The following SLC9A9 variants were observed in gnomAD, a reference collection of about 807,000 sequenced individuals.
The protein encoded by SLC9A9 is sodium/hydrogen exchanger 9.
Under a neutral mutation model 77.8 loss-of-function variants are expected in SLC9A9, and 62 were observed. That is an observed-to-expected ratio of 0.80 (90% CI 0.65 to 0.98). SLC9A9 has a LOEUF of 0.98. Ranked by LOEUF, SLC9A9 falls within the 50% of genes least tolerant of loss-of-function variation. The pLI is 0.00. For missense variants in SLC9A9, 775 were observed against 774.9 expected (o/e 1.00, Z 0.00); for synonymous variants, 320 against 283.5 (o/e 1.13, Z -1.29).
At chr3:143,676,840 G>A (rs767525272) in intron 5 of SLC9A9, among the ~76,000 whole-genome samples, 47 of 152,208 alleles carry the variant, frequency 3.1e-4, no homozygotes, top group Non-Finnish European at 5.7e-4. Flanking sequence ...ATTTAAGAAT[G>A]TGAAAGATCC....
chr3:143,305,924 T>C (rs1193634996), intron 14 of SLC9A9, among the ~76,000 whole-genome samples: 4 of 152,212 alleles, frequency 2.6e-5, no homozygotes, highest in Non-Finnish European at 5.9e-5. Flanking sequence ...TCATCAAATT[T>C]GTATTTATTT....
At chr3:143,452,264 C>A (rs2035020632) in intron 12 of SLC9A9, among the ~76,000 whole-genome samples, 1 of 152,054 alleles carries the variant, frequency 6.6e-6, no homozygotes, top group Non-Finnish European at 1.5e-5. Context: ...GTGGAACAAC[C>A]TGACCTCATG....
At chr3:143,387,047 C>T (rs997548789) in intron 12 of SLC9A9, among the ~76,000 whole-genome samples, 3 of 152,078 alleles carry the variant, frequency 2.0e-5, no homozygotes, top group Non-Finnish European at 4.4e-5. Context: ...TGTCATATTG[C>T]CCAGGCTGTT....
chr3:143,586,697 G>A (rs921305945), intron 6 of SLC9A9, among the ~76,000 whole-genome samples: 2 of 152,160 alleles, frequency 1.3e-5, no homozygotes, highest in Non-Finnish European at 2.9e-5. Flanking sequence ...ATCGGAATTC[G>A]TTCTGGCATC....
At chr3:143,276,483 G>C (rs949314339) in intron 14 of SLC9A9, among the ~76,000 whole-genome samples, 1 of 152,208 alleles carries the variant, frequency 6.6e-6, no homozygotes, top group Admixed American at 6.5e-5. Context: ...GGGATTGAAA[G>C]ATTATGCTTG....
intron 13 of SLC9A9, among the ~76,000 whole-genome samples, chr3:143,381,713 C>T (rs1384958047): frequency 6.6e-6 from 1 of 152,196 alleles, no homozygotes; most frequent in African/African-American, 2.4e-5. Flanking sequence ...ATGCATTGGA[C>T]ATACTTTGTG....
At chr3:143,537,636 G>A (rs1263011750) in intron 9 of SLC9A9, among the ~76,000 whole-genome samples, 1 of 152,194 alleles carries the variant, frequency 6.6e-6, no homozygotes, top group Non-Finnish European at 1.5e-5. Flanking sequence ...TTCAGAGATG[G>A]TCCCTTAGAG....
At chr3:143,409,493 G>A (rs1355864402) in intron 12 of SLC9A9, among the ~76,000 whole-genome samples, 2 of 152,178 alleles carry the variant, frequency 1.3e-5, no homozygotes, top group African/African-American at 2.4e-5. Flanking sequence ...AGTATTCAAT[G>A]TTTCCATTTC....
At chr3:143,737,166 T>C (rs1469113868) in intron 4 of SLC9A9, among the ~76,000 whole-genome samples, 2 of 152,200 alleles carry the variant, frequency 1.3e-5, no homozygotes, top group African/African-American at 4.8e-5. Context: ...TCTAGATCTC[T>C]TTCGTCACGA....
At chr3:143,608,098 A>C (rs1481178820) in intron 6 of SLC9A9, among the ~76,000 whole-genome samples, 1 of 152,220 alleles carries the variant, frequency 6.6e-6, no homozygotes, top group East Asian at 1.9e-4. Context: ...AGAATTACCA[A>C]TATGGATAAA....
At chr3:143,839,363 G>A (rs1436109948) in intron 1 of SLC9A9, among the ~76,000 whole-genome samples, 5 of 152,146 alleles carry the variant, frequency 3.3e-5, no homozygotes, top group African/African-American at 1.2e-4. Context: ...ACCTTGTGAT[G>A]CCTTGTTCAA....
At chr3:143,497,713 ACTTT>A (rs2035858923) in intron 9 of SLC9A9, among the ~76,000 whole-genome samples, 2 of 152,222 alleles carry the variant, frequency 1.3e-5, no homozygotes, top group Non-Finnish European at 2.9e-5. Context: ...TCACGAAATC[ACTTT>A]TTGATTTGAA....
intron 14 of SLC9A9, among the ~76,000 whole-genome samples, chr3:143,337,290 G>T (rs989460129): frequency 6.6e-6 from 1 of 151,904 alleles, no homozygotes; most frequent in South Asian, 2.1e-4. Context: ...TTCAGAACTG[G>T]CCACTGTGGA....
chr3:143,689,703 C>G (rs917593589), intron 5 of SLC9A9, among the ~76,000 whole-genome samples: 1 of 152,078 alleles, frequency 6.6e-6, no homozygotes, highest in Admixed American at 6.6e-5. Context: ...GGCCACTGTT[C>G]CCAGCTGAGA....
At chr3:143,655,460 A>C in intron 5 of SLC9A9, 7 of 984,670 alleles carry the variant, frequency 7.1e-6, no homozygotes, top group Non-Finnish European at 8.4e-6. Flanking sequence ...CTTTGATTTT[A>C]TCAGACAATT....
At chr3:143,470,647 A>G (rs1408511429) in intron 11 of SLC9A9, among the ~76,000 whole-genome samples, 1 of 152,198 alleles carries the variant, frequency 6.6e-6, no homozygotes, top group Non-Finnish European at 1.5e-5. Context: ...TGATATAAAT[A>G]TTTGTAGTTT....
chr3:143,737,468 T>C (rs572198791), intron 4 of SLC9A9, among the ~76,000 whole-genome samples: 1 of 148,884 alleles, frequency 6.7e-6, no homozygotes. Context: ...ACCCATGTAA[T>C]GAGAGTTAAA....
chr3:143,636,991 C>A (rs1473184124), intron 6 of SLC9A9, among the ~76,000 whole-genome samples: 1 of 152,098 alleles, frequency 6.6e-6, no homozygotes. Context: ...AATAAAGTCC[C>A]ATTAAAATGA....
intron 14 of SLC9A9, among the ~76,000 whole-genome samples, chr3:143,273,277 C>T (rs1374705604): frequency 1.3e-5 from 2 of 152,190 alleles, no homozygotes; most frequent in Non-Finnish European, 2.9e-5. Context: ...ATGTCTGCAT[C>T]CCCCCACCCT....
Sources: gnomAD v4.1 joint callset for allele counts (sites outside exome capture counted in the v4.1 genomes callset) on GRCh38, gnomAD v4.1.1 for gene constraint, MANE v1.5 for transcripts, NCBI Gene and HGNC (gene_info 2026-07-23, HGNC 2026-07-21) for gene names.